The following NKAIN3 variants were observed in gnomAD, a reference collection of about 807,000 sequenced individuals.
NKAIN3 encodes the protein sodium/potassium-transporting ATPase subunit beta-1-interacting protein 3.
Under a neutral mutation model 30.2 loss-of-function variants are expected in NKAIN3, and 25 were observed. The observed-to-expected ratio is 0.83, with a 90% CI of 0.60 to 1.16. The LOEUF (loss-of-function observed/expected upper bound fraction) is 1.16. Among genes scored for constraint, NKAIN3 ranks in the 50% most tolerant of loss-of-function variants. The pLI, the probability that NKAIN3 is intolerant of heterozygous loss-of-function variation, is 0.00. For synonymous variants in NKAIN3, 91 were observed against 89.6 expected (o/e 1.02, Z -0.09); for missense variants, 225 against 254.1 (o/e 0.89, Z 0.78).
chr8:62,251,877 G>A (rs757242180), intron 1 of NKAIN3, among the ~76,000 whole-genome samples: 17 of 152,082 alleles, frequency 1.1e-4, no homozygotes, highest in African/African-American at 3.4e-4. Context: ...AAAAGCATTG[G>A]TAAAGTAAAA....
intron 3 of NKAIN3, among the ~76,000 whole-genome samples, chr8:62,616,205 T>G (rs936617): frequency 6.6e-6 from 1 of 151,676 alleles, no homozygotes; most frequent in African/African-American, 2.4e-5. Context: ...CAACTCCCTT[T>G]AATTCTGACA....
rs151065616 is a variant in NKAIN3, at chr8:62,968,651, G to A, written c.*3244G>A. On this transcript the variant is annotated 3_prime_UTR_variant, in exon 7 of 7. Transcript: ENST00000623646. The stretch of plus-strand genomic sequence containing the variant: ...TTAGCTTCTAGTGCTGACTGGAATG[G>A]TGAACATTTAAAGCCAGTGTTTTTC... 6.6e-6 allele frequency among the ~76,000 whole-genome samples: 1 copy of A among 152,312 alleles called. No individual in the cohort carries two copies. The highest frequency in any genetic ancestry group is 1.5e-5 in the Non-Finnish European group (1 of 68,022).
chr8:62,584,305 C>T (rs1378296480), intron 2 of NKAIN3, among the ~76,000 whole-genome samples: 3 of 152,152 alleles, frequency 2.0e-5, no homozygotes, highest in Non-Finnish European at 4.4e-5. Context: ...AGTGCTCACG[C>T]AGAGATTAAT....
At position 62,863,131 on chromosome 8, in the gene NKAIN3, G is replaced by C. The variant is rs989142462; in HGVS notation, c.472-55322G>C. 3.3e-5 allele frequency: 48 copies of C among 1,455,582 alleles called. No individual in the cohort carries two copies. In the African/African-American group the frequency reaches 6.4e-4, roughly 20 times the overall value. 90.2% of individuals were successfully genotyped at this position (1,455,582 alleles called of 1,614,324 possible). On this transcript the variant is annotated intron_variant, in intron 4 of 6. Transcript: ENST00000623646. ...ATCCTGCTCATTGGAAGGTGCAGCT[G>C]AGGTGATGTTTTCTTCTATTATTTT...
chr8:62,571,983 T>C (rs555873253), intron 1 of NKAIN3, among the ~76,000 whole-genome samples: 6 of 152,146 alleles, frequency 3.9e-5, no homozygotes, highest in Admixed American at 3.3e-4. Context: ...TTCCCCATTG[T>C]CTTGGGGATT....
chr8:62,261,416 A>T (rs1812437612), intron 1 of NKAIN3, among the ~76,000 whole-genome samples: 1 of 152,192 alleles, frequency 6.6e-6, no homozygotes, highest in Admixed American at 6.5e-5. Flanking sequence ...TTGCACTTCT[A>T]GGTGAGTGAC....
chr8:62,399,765 G>A lies in NKAIN3; in HGVS notation c.54+150638G>A, dbSNP rs543897103. 1.2e-4 allele frequency among the ~76,000 whole-genome samples: 19 copies of A among 152,288 alleles called. No individual in the cohort carries two copies. In the South Asian group the frequency reaches 2.3e-3, roughly 18 times the overall value. ...AGCATCTGCCTAAATGAAAGACATAGAAAAGCCAGCTTTCAGTAAGTTCCA... is the reference window on the plus strand; with the variant it reads ...AGCATCTGCCTAAATGAAAGACATAAAAAAGCCAGCTTTCAGTAAGTTCCA... On this transcript the variant is annotated intron_variant, in intron 1 of 6. Coordinates refer to ENST00000623646, the MANE Select transcript of NKAIN3 (RefSeq NM_001304533.3).
intron 1 of NKAIN3, among the ~76,000 whole-genome samples, chr8:62,350,704 T>A (rs530194946): frequency 8.5e-5 from 13 of 152,206 alleles, no homozygotes; most frequent in African/African-American, 3.1e-4. Context: ...TTTATTTATT[T>A]ATTTGAGACA....
chr8:62,366,107 C>T (rs1816728591), intron 1 of NKAIN3, among the ~76,000 whole-genome samples: 1 of 151,880 alleles, frequency 6.6e-6, no homozygotes, highest in South Asian at 2.1e-4. Flanking sequence ...GACTTTCTAT[C>T]TGTTCCTAAT....
At chr8:62,667,273 T>G (rs1182773389) in intron 3 of NKAIN3, among the ~76,000 whole-genome samples, 1 of 148,916 alleles carries the variant, frequency 6.7e-6, no homozygotes, top group Admixed American at 6.7e-5. Flanking sequence ...ATTGTGCACA[T>G]GTACCCTAGA....
intron 1 of NKAIN3, among the ~76,000 whole-genome samples, chr8:62,563,735 T>C (rs1655942960): frequency 6.6e-6 from 1 of 152,186 alleles, no homozygotes; most frequent in Non-Finnish European, 1.5e-5. Context: ...AAAGTTATTT[T>C]TAGCAGGCTT....
At chr8:62,784,782 C>T (rs1237181320) in intron 4 of NKAIN3, among the ~76,000 whole-genome samples, 1 of 151,934 alleles carries the variant, frequency 6.6e-6, no homozygotes, top group African/African-American at 2.4e-5. Context: ...ACTTAGACAC[C>T]AAGGCCACAA....
Position 62,549,390 on chromosome 8 carries a change from A to T in NKAIN3, c.55-30149A>T, listed in dbSNP as rs186998358. Among the ~76,000 whole-genome samples, 1,074 of 151,906 alleles carry T rather than the reference A, an allele frequency of 7.1e-3. 12 individuals carry two copies. The highest frequency in any genetic ancestry group is 0.025 in the African/African-American group (1,019 of 41,468). ...TTAGGTTATTTTTGTTTAATTTAAAATTTTTTTTTCCTTGTCATACTGTGT... is the reference window on the plus strand; with the variant it reads ...TTAGGTTATTTTTGTTTAATTTAAATTTTTTTTTTCCTTGTCATACTGTGT... On this transcript the variant is annotated intron_variant, in intron 1 of 6. Transcript: ENST00000623646.
At chr8:62,573,596 A>G (rs1013226521) in intron 1 of NKAIN3, among the ~76,000 whole-genome samples, 4 of 151,632 alleles carry the variant, frequency 2.6e-5, no homozygotes, top group African/African-American at 7.3e-5. Context: ...TTAATACAAG[A>G]TATTTATTTT....
intron 3 of NKAIN3, among the ~76,000 whole-genome samples, chr8:62,697,243 C>T (rs1036423857): frequency 6.6e-6 from 1 of 152,162 alleles, no homozygotes; most frequent in Non-Finnish European, 1.5e-5. Context: ...TCCCCACCTC[C>T]CCACTACCTC....
At chr8:62,799,493 T>C (rs1025032977) in intron 4 of NKAIN3, among the ~76,000 whole-genome samples, 11 of 152,124 alleles carry the variant, frequency 7.2e-5, no homozygotes, top group Non-Finnish European at 1.0e-4. Flanking sequence ...AACCACAATG[T>C]GATACCACCT....
chr8:62,621,827 A>G (rs142964379), intron 3 of NKAIN3, among the ~76,000 whole-genome samples: 3 of 152,052 alleles, frequency 2.0e-5, no homozygotes, highest in African/African-American at 7.2e-5. Context: ...AAAGTTTTAC[A>G]GATTTATGTT....
At chr8:62,351,511 A>G (rs374213868) in intron 1 of NKAIN3, among the ~76,000 whole-genome samples, 5 of 149,368 alleles carry the variant, frequency 3.3e-5, no homozygotes, top group African/African-American at 9.8e-5. Context: ...TAAAATAAAT[A>G]TACATATAAA....
intron 1 of NKAIN3, among the ~76,000 whole-genome samples, chr8:62,306,536 TTGTGTGTGTGTGTGTG>T (rs10552182): frequency 2.4e-4 from 33 of 136,068 alleles, no homozygotes; most frequent in South Asian, 1.9e-3. Flanking sequence ...TTTGAAGGCT[TTGTGTGTGTGTGTGTG>T]TGTGTGTGTG....
Sources: gnomAD v4.1 joint callset for allele counts (sites outside exome capture counted in the v4.1 genomes callset) on GRCh38, gnomAD v4.1.1 for gene constraint, MANE v1.5 for transcripts, NCBI Gene and HGNC (gene_info 2026-07-23, HGNC 2026-07-21) for gene names.